Variants in DENND1A observed in about 807,000 individuals in gnomAD.
DENND1A encodes the protein DENN domain-containing protein 1A.
DENND1A carries 51 observed loss-of-function variants against 113.7 expected under a neutral mutation model. That is an observed-to-expected ratio of 0.45 (90% confidence interval 0.36 to 0.57). The LOEUF (loss-of-function observed/expected upper bound fraction) is 0.57. Among genes scored for constraint, DENND1A ranks in the 20% least tolerant of loss-of-function variants. The pLI is 0.00. For synonymous variants in DENND1A, 565 were observed against 570.8 expected (o/e 0.99, Z 0.14); for missense variants, 1,258 against 1,395.9 (o/e 0.90, Z 1.57).
At chr9:123,571,096 A>G (rs1288955492) in intron 12 of DENND1A, among the ~76,000 whole-genome samples, 1 of 152,100 alleles carries the variant, frequency 6.6e-6, no homozygotes, top group Non-Finnish European at 1.5e-5. Flanking sequence ...TTTAGGGTAA[A>G]ACAAAGCTAA....
chr9:123,584,217 A>C (rs1406343450), intron 11 of DENND1A, among the ~76,000 whole-genome samples: 1 of 152,178 alleles, frequency 6.6e-6, no homozygotes, highest in Non-Finnish European at 1.5e-5. Flanking sequence ...AGAGCCTATC[A>C]TTTGCTGTCT....
chr9:123,454,838 C>A, intron 15 of DENND1A, 59 bp from the exon 16 acceptor site: 1 of 1,433,796 alleles, frequency 7.0e-7, no homozygotes, highest in Non-Finnish European at 9.5e-7. Flanking sequence ...CCTTGGGAGT[C>A]CTTAAAATTG....
chr9:123,412,134 C>G (rs1281163897), intron 19 of DENND1A, among the ~76,000 whole-genome samples: 1 of 152,240 alleles, frequency 6.6e-6, no homozygotes, highest in Non-Finnish European at 1.5e-5. Flanking sequence ...AGCCCACCCC[C>G]TCTCCAGACC....
chr9:123,796,104 T>C (rs1181095268), intron 2 of DENND1A, among the ~76,000 whole-genome samples: 2 of 152,212 alleles, frequency 1.3e-5, no homozygotes, highest in African/African-American at 4.8e-5. Flanking sequence ...AATATTGTAT[T>C]TAAAATATCT....
At chr9:123,506,071 G>C (rs909043916) in intron 13 of DENND1A, among the ~76,000 whole-genome samples, 1 of 151,966 alleles carries the variant, frequency 6.6e-6, no homozygotes, top group Non-Finnish European at 1.5e-5. Context: ...TGGTGATTAA[G>C]AGCAAGGACT....
chr9:123,871,202 C>A (rs1032926286), intron 2 of DENND1A, among the ~76,000 whole-genome samples: 1 of 152,094 alleles, frequency 6.6e-6, no homozygotes, highest in African/African-American at 2.4e-5. Context: ...CACACCTCAG[C>A]CTTCTGAGTA....
intron 9 of DENND1A, among the ~76,000 whole-genome samples, chr9:123,631,478 T>C (rs1324309493): frequency 6.6e-6 from 1 of 152,222 alleles, no homozygotes; most frequent in Non-Finnish European, 1.5e-5. Flanking sequence ...TTGAAAATAA[T>C]TTATCCTTAA....
intron 12 of DENND1A, among the ~76,000 whole-genome samples, chr9:123,575,514 G>C (rs183252087): frequency 2.0e-4 from 30 of 152,314 alleles, no homozygotes; most frequent in Admixed American, 7.2e-4. Flanking sequence ...TACCACAGAA[G>C]TGAAATATCC....
chr9:123,529,418 T>C (rs2055116875), intron 13 of DENND1A, among the ~76,000 whole-genome samples: 5 of 152,202 alleles, frequency 3.3e-5, no homozygotes. Flanking sequence ...ATTTATAGAC[T>C]AGCATTGTAA....
At chr9:123,787,308 G>C (rs1391195552) in intron 3 of DENND1A, among the ~76,000 whole-genome samples, 1 of 152,076 alleles carries the variant, frequency 6.6e-6, no homozygotes, top group Non-Finnish European at 1.5e-5. Context: ...ATTTTCTTAT[G>C]AAATAGTATT....
intron 21 of DENND1A, among the ~76,000 whole-genome samples, chr9:123,398,401 G>A (rs952940397): frequency 1.3e-5 from 2 of 151,740 alleles, no homozygotes; most frequent in African/African-American, 4.9e-5. Flanking sequence ...TTGAGACGGC[G>A]TCTCACTCTG....
chr9:123,751,408 AAAAC>A (rs2070014562), intron 5 of DENND1A: 1 of 152,180 alleles, frequency 6.6e-6, no homozygotes, highest in South Asian at 2.1e-4. Flanking sequence ...AGAAAACAAA[AAAAC>A]CCCCTGCAGT....
chr9:123,911,635 T>C (rs1301153601), intron 1 of DENND1A, among the ~76,000 whole-genome samples: 1 of 152,014 alleles, frequency 6.6e-6, no homozygotes, highest in African/African-American at 2.4e-5. Flanking sequence ...ATTCCATTTA[T>C]ATGAAGTTCA....
At chr9:123,731,162 G>A (rs1044087094) in intron 5 of DENND1A, among the ~76,000 whole-genome samples, 4 of 152,064 alleles carry the variant, frequency 2.6e-5, no homozygotes, top group African/African-American at 7.2e-5. Flanking sequence ...TGTAGATGAC[G>A]GGTTGATGGG....
intron 12 of DENND1A, among the ~76,000 whole-genome samples, chr9:123,576,478 G>T (rs1180748970): frequency 2.6e-5 from 4 of 152,008 alleles, no homozygotes; most frequent in African/African-American, 9.7e-5. Flanking sequence ...CTCCAATTTT[G>T]TATCTGTTTT....
At chr9:123,638,987 T>C (rs960013644) in intron 9 of DENND1A, among the ~76,000 whole-genome samples, 3 of 113,606 alleles carry the variant, frequency 2.6e-5, no homozygotes, top group African/African-American at 1.1e-4. Context: ...TACCCACACA[T>C]GAAGAAACTA....
intron 21 of DENND1A, among the ~76,000 whole-genome samples, chr9:123,397,485 A>T (rs144084375): frequency 2.0e-5 from 3 of 152,186 alleles, no homozygotes; most frequent in Admixed American, 6.5e-5. Flanking sequence ...GGCATTTTTT[A>T]TATTAATGAA....
At chr9:123,583,136 C>G in intron 12 of DENND1A, 33 bp downstream of exon 12, 3 of 1,507,576 alleles carry the variant, frequency 2.0e-6, no homozygotes, top group Non-Finnish European at 2.7e-6. Flanking sequence ...CAGGAGCTCA[C>G]AGAAGTGAGA....
intron 9 of DENND1A, among the ~76,000 whole-genome samples, chr9:123,649,862 A>G (rs1161293762): frequency 6.6e-6 from 1 of 152,202 alleles, no homozygotes; most frequent in African/African-American, 2.4e-5. Flanking sequence ...ATCACACAGA[A>G]GGTTCATTCT....
Sources: allele counts gnomAD v4.1 joint callset (sites outside exome capture counted in the v4.1 genomes callset), GRCh38; gene constraint gnomAD v4.1.1; transcripts MANE v1.5; gene names NCBI Gene and HGNC (gene_info 2026-07-23, HGNC 2026-07-21).